UNC79: variants seen among roughly 807,000 people sequenced by gnomAD.
UNC79 encodes unc-79 subunit of NALCN channel complex.
Under a neutral mutation model 283.1 loss-of-function variants are expected in UNC79, and 37 were observed. That is an observed-to-expected ratio of 0.13 (90% CI 0.10 to 0.17). The LOEUF (loss-of-function observed/expected upper bound fraction) is 0.17. UNC79 is among the 10% of genes least tolerant of loss of function. UNC79 has a pLI of 1.00. For synonymous variants in UNC79, 1,107 were observed against 1,200.2 expected (o/e 0.92, Z 1.61); for missense variants, 2,272 against 3,211.1 (o/e 0.71, Z 7.07).
intron 31 of UNC79, among the ~76,000 whole-genome samples, chr14:93,635,287 A>G (rs1322553929): frequency 6.6e-6 from 1 of 152,232 alleles, no homozygotes; most frequent in African/African-American, 2.4e-5. Flanking sequence ...TAGTACAGCC[A>G]CAATCCTCTT....
At chr14:93,371,653 A>G (rs905909687) in intron 1 of UNC79, among the ~76,000 whole-genome samples, 2 of 152,068 alleles carry the variant, frequency 1.3e-5, no homozygotes, top group Non-Finnish European at 2.9e-5. Context: ...ATCCTGGCTA[A>G]CATGGTGAAA....
At chr14:93,353,225 A>T (rs959033675) in intron 1 of UNC79, among the ~76,000 whole-genome samples, 9 of 151,938 alleles carry the variant, frequency 5.9e-5, no homozygotes, top group African/African-American at 2.2e-4. Flanking sequence ...ATTTTTTGAG[A>T]CAGTATCTCA....
At position 93,604,876 on chromosome 14, in the gene UNC79, AGTT is replaced by A; in HGVS notation, c.3754+1466_3754+1468del. ...TTGTCTGTAATGCTTATTTAAATAG[AGTT>A]GTTGTTGATTTTTAAGCTATGAGGT... On this transcript the variant is annotated intron_variant, in intron 26 of 48. Transcript: ENST00000555664. 2 of 1,560,304 alleles carry A rather than the reference AGTT, an allele frequency of 1.3e-6. No homozygotes were observed. Among genetic ancestry groups the A allele is most frequent in the Non-Finnish European group, 1.7e-6 (2 of 1,159,648 alleles).
chr14:93,346,602 C>A (rs1951245972), intron 1 of UNC79, among the ~76,000 whole-genome samples: 1 of 152,210 alleles, frequency 6.6e-6, no homozygotes, highest in Non-Finnish European at 1.5e-5. Flanking sequence ...ACTATAGAAA[C>A]TTGTTCTTGG....
intron 47 of UNC79, among the ~76,000 whole-genome samples, chr14:93,698,992 C>T (rs993568082): frequency 3.9e-5 from 6 of 152,138 alleles, no homozygotes; most frequent in Non-Finnish European, 7.4e-5. Context: ...ACTAATAAAA[C>T]AGTCCAGCTT....
chr14:93,411,648 T>C (rs986765071), intron 1 of UNC79, among the ~76,000 whole-genome samples: 1 of 152,154 alleles, frequency 6.6e-6, no homozygotes, highest in Non-Finnish European at 1.5e-5. Flanking sequence ...GAGTCTCAGC[T>C]TTGTGATCCA....
intron 1 of UNC79, among the ~76,000 whole-genome samples, chr14:93,449,618 TAA>T (rs755543140): frequency 1.5e-4 from 20 of 136,488 alleles, no homozygotes; most frequent in Admixed American, 2.2e-4. Context: ...ACCTTGTCTC[TAA>T]AAAAAAAAAA....
At chr14:93,515,983 T>G (rs2060036111) in intron 7 of UNC79, among the ~76,000 whole-genome samples, 1 of 152,104 alleles carries the variant, frequency 6.6e-6, no homozygotes, top group East Asian at 1.9e-4. Flanking sequence ...ATTTTACATC[T>G]AAGTATATGA....
At chr14:93,394,480 G>A (rs958895840) in intron 1 of UNC79, among the ~76,000 whole-genome samples, 6 of 148,708 alleles carry the variant, frequency 4.0e-5, no homozygotes, top group Non-Finnish European at 5.9e-5. Context: ...GTGCGATCTC[G>A]GCTCACTGCA....
At chr14:93,426,873 A>G (rs1194673359), upstream of UNC79, among the ~76,000 whole-genome samples, 1 of 151,784 alleles carries the variant, frequency 6.6e-6, no homozygotes, top group Non-Finnish European at 1.5e-5. Flanking sequence ...TTTCTTCACC[A>G]TTGGTCAAGT....
intron 41 of UNC79, among the ~76,000 whole-genome samples, chr14:93,678,766 TA>T (rs1216760709): frequency 6.6e-6 from 1 of 152,242 alleles, no homozygotes; most frequent in South Asian, 2.1e-4. Context: ...TTTACATATG[TA>T]AAGTTTATGT....
At chr14:93,426,518 T>C (rs2055732060), upstream of UNC79, among the ~76,000 whole-genome samples, 1 of 151,588 alleles carries the variant, frequency 6.6e-6, no homozygotes, top group South Asian at 2.1e-4. Flanking sequence ...TTTGTTATTG[T>C]CTCACAGGCC....
At chr14:93,343,714 C>A (rs2053763024) in intron 1 of UNC79, among the ~76,000 whole-genome samples, 1 of 152,132 alleles carries the variant, frequency 6.6e-6, no homozygotes, top group Non-Finnish European at 1.5e-5. Flanking sequence ...TTATTTAGAG[C>A]ATGAATATTT....
chr14:93,528,515 C>T (rs1250950696), intron 8 of UNC79, 43 bp from the exon 9 acceptor site: 1 of 1,569,210 alleles, frequency 6.4e-7, no homozygotes, highest in Non-Finnish European at 8.8e-7. Flanking sequence ...GAATGTGATA[C>T]CCAGGAACAG....
intron 31 of UNC79, among the ~76,000 whole-genome samples, chr14:93,633,341 G>T (rs2068202002): frequency 2.0e-5 from 3 of 152,236 alleles, no homozygotes. Flanking sequence ...AGCTAAACGT[G>T]TTGTGACCAC....
Position 93,396,866 on chromosome 14 carries a change from T to G in UNC79, c.-351+63343T>G, listed in dbSNP as rs186341250. 2.8e-3 allele frequency among the ~76,000 whole-genome samples: 428 copies of G among 151,326 alleles called. 1 individual carries two copies. The highest frequency in any genetic ancestry group is 5.1e-3 in the Non-Finnish European group (346 of 67,836). ...TGACAGCTCTGTCTTGGCCCTCACT[T>G]TCTGCTTATGCAATTCCTCAAGCCA... On this transcript the variant is annotated intron_variant, in intron 1 of 49. Transcript: ENST00000256339.
rs763656770 is a variant in UNC79, at chr14:93,593,885, G to A, written c.3190+48G>A. On this transcript the variant is annotated intron_variant, in intron 23 of 48. Coordinates refer to ENST00000555664, the Ensembl canonical transcript of UNC79. ...CTCATTCTGGGTCACACAGTACACG[G>A]GTGTCTGGTCACGGCATCTTTTTTG... 59 of 1,510,996 alleles carry A rather than the reference G, an allele frequency of 3.9e-5. No homozygotes were observed. In the South Asian group the frequency reaches 7.8e-4, roughly 20 times the overall value. The allele number at this position is 1,510,996 out of a possible 1,614,324, so 93.6% of individuals were successfully genotyped here.
intron 7 of UNC79, among the ~76,000 whole-genome samples, chr14:93,499,965 A>G (rs2059201920): frequency 6.6e-6 from 1 of 152,106 alleles, no homozygotes; most frequent in African/African-American, 2.4e-5. Context: ...GAAAAAGTCC[A>G]ATGTAGCCAG....
intron 39 of UNC79, among the ~76,000 whole-genome samples, chr14:93,660,559 A>ATGTGTG (rs1323219450): frequency 2.3e-5 from 2 of 86,820 alleles, no homozygotes; most frequent in Non-Finnish European, 4.5e-5. Context: ...ATATATATAT[A>ATGTGTG]TATATGTGTG....
Sources: allele counts gnomAD v4.1 joint callset (sites outside exome capture counted in the v4.1 genomes callset), GRCh38; gene constraint gnomAD v4.1.1; transcripts MANE v1.5; gene names NCBI Gene and HGNC (gene_info 2026-07-23, HGNC 2026-07-21).